Variants in KCNIP1 observed in about 807,000 individuals in gnomAD.
KCNIP1 encodes A-type potassium channel modulatory protein KCNIP1.
A neutral mutation model predicts 33.0 loss-of-function variants in KCNIP1; 18 were observed. The ratio of observed to expected loss-of-function variants is 0.55; its 90% CI spans 0.38 to 0.81. KCNIP1 has a LOEUF of 0.81. KCNIP1 is among the 30% of genes least tolerant of loss of function. The pLI is 0.00. For missense variants in KCNIP1, 238 were observed against 271.6 expected, an observed-to-expected ratio of 0.88 and a Z score of 0.87; for synonymous variants, 93 against 98.3, an observed-to-expected ratio of 0.95 and a Z score of 0.32.
At chr5:170,544,139 G>A (rs961884195) in intron 1 of KCNIP1, among the ~76,000 whole-genome samples, 15 of 152,212 alleles carry the variant, frequency 9.9e-5, no homozygotes, top group African/African-American at 2.2e-4. Flanking sequence ...GAGACCGGGC[G>A]TGGTGGCTCA....
At chr5:170,633,946 A>T (rs1760184797) in intron 1 of KCNIP1, among the ~76,000 whole-genome samples, 1 of 152,124 alleles carries the variant, frequency 6.6e-6, no homozygotes, top group Non-Finnish European at 1.5e-5. Flanking sequence ...AAAGCGCCCA[A>T]GAGGCTTCTA....
rs182321941 is a variant in KCNIP1 at position 170,497,421 on chromosome 5, A to G, written c.88+143457A>G. Reference sequence around the variant, plus strand: ...GGATGAATGGATAAAATCCTTTACCATAACCTTTCCTCCTTAGGACAAAGT... The same window carrying G: ...GGATGAATGGATAAAATCCTTTACCGTAACCTTTCCTCCTTAGGACAAAGT... On this transcript the variant is annotated intron_variant, in intron 1 of 7. Coordinates refer to the KCNIP1 transcript ENST00000377360. Among the ~76,000 whole-genome samples, 180 of 152,336 alleles carry G rather than the reference A, an allele frequency of 1.2e-3. 2 individuals carry two copies. Among genetic ancestry groups the G allele is most frequent in the African/African-American group, 4.2e-3 (176 of 41,578 alleles).
intron 1 of KCNIP1, among the ~76,000 whole-genome samples, chr5:170,402,809 C>A (rs1754942399): frequency 6.6e-6 from 1 of 152,088 alleles, no homozygotes; most frequent in South Asian, 2.1e-4. Context: ...GTCAGCTGGC[C>A]ACGGCTGCCA....
intron 1 of KCNIP1, among the ~76,000 whole-genome samples, chr5:170,571,492 T>C (rs928267001): frequency 2.0e-5 from 3 of 152,242 alleles, no homozygotes; most frequent in African/African-American, 7.2e-5. Context: ...CATCACTTCT[T>C]CCTGGAAAGA....
chr5:170,645,413 A>G (rs962401608), intron 1 of KCNIP1, among the ~76,000 whole-genome samples: 1 of 152,258 alleles, frequency 6.6e-6, no homozygotes, highest in Non-Finnish European at 1.5e-5. Flanking sequence ...CAATACTCCA[A>G]GAAAACATAA....
At chr5:170,499,254 A>G (rs1316777123), upstream of KCNIP1, among the ~76,000 whole-genome samples, 3 of 152,210 alleles carry the variant, frequency 2.0e-5, no homozygotes, top group Non-Finnish European at 4.4e-5. Context: ...AAACAGATGA[A>G]GAGCAAAGAT....
chr5:170,671,277 C>T lies in KCNIP1; in HGVS notation c.62-47481C>T, dbSNP rs73319363. Reference sequence around the variant, plus strand: ...CCCAACCTGATCTGTCACACACCACCTCCACCTTTGCCTGTTCCCTGGGCC... The same window carrying T: ...CCCAACCTGATCTGTCACACACCACTTCCACCTTTGCCTGTTCCCTGGGCC... On this transcript the variant is annotated intron_variant, in intron 1 of 7. Transcript: ENST00000328939. Among the ~76,000 whole-genome samples the T allele has an allele frequency of 9.3e-3, 1,421 of 152,338 alleles. 23 individuals carry two copies. Among genetic ancestry groups the T allele is most frequent in the East Asian group, 0.072 (373 of 5,192 alleles).
intron 1 of KCNIP1, among the ~76,000 whole-genome samples, chr5:170,445,513 G>C (rs1236639084): frequency 6.6e-6 from 1 of 152,222 alleles, no homozygotes. Flanking sequence ...AGGCCACGCA[G>C]TTCCCTTCCA....
intron 1 of KCNIP1, among the ~76,000 whole-genome samples, chr5:170,363,296 G>A (rs1023870840): frequency 6.6e-6 from 1 of 152,208 alleles, no homozygotes; most frequent in African/African-American, 2.4e-5. Flanking sequence ...ACTGAATTGT[G>A]TCCCCTTAAA....
intron 1 of KCNIP1, among the ~76,000 whole-genome samples, chr5:170,467,479 C>T (rs1756632202): frequency 1.3e-5 from 2 of 152,016 alleles, no homozygotes; most frequent in South Asian, 4.2e-4. Flanking sequence ...TTCTTTACTA[C>T]CAGTGGAAAG....
At chr5:170,582,132 C>A (rs1757816535) in intron 1 of KCNIP1, among the ~76,000 whole-genome samples, 2 of 152,238 alleles carry the variant, frequency 1.3e-5, no homozygotes, top group African/African-American at 4.8e-5. Context: ...CAAATTTCAA[C>A]AGATGAGATG....
chr5:170,414,722 AC>A (rs1289660497), intron 1 of KCNIP1, among the ~76,000 whole-genome samples: 1 of 152,262 alleles, frequency 6.6e-6, no homozygotes, highest in African/African-American at 2.4e-5. Flanking sequence ...TCAGGAACTT[AC>A]AAAATGTGTG....
Position 170,735,742 on chromosome 5 carries a change from C to T in KCNIP1, c.604-17C>T. On this transcript the variant is annotated splice_polypyrimidine_tract_variant and intron_variant, in intron 7 of 7. Transcript: ENST00000328939. ...GAGACTCAGAGTTCTAACCCTCTTG[C>T]CCTCCTTTTTTCCCAGGACGACAAC... 1 of 1,612,564 alleles carries T rather than the reference C, an allele frequency of 6.2e-7. No individual in the cohort carries two copies. The highest frequency in any genetic ancestry group is 8.5e-7 in the Non-Finnish European group (1 of 1,178,626).
At chr5:170,414,461 C>T (rs11739960) in intron 1 of KCNIP1, among the ~76,000 whole-genome samples, 1 of 152,212 alleles carries the variant, frequency 6.6e-6, no homozygotes, top group Admixed American at 6.5e-5. Flanking sequence ...AGGGCAAATG[C>T]TGAGCTATAA....
At chr5:170,692,410 C>T (rs1328611602) in intron 1 of KCNIP1, among the ~76,000 whole-genome samples, 2 of 152,054 alleles carry the variant, frequency 1.3e-5, no homozygotes, top group African/African-American at 2.4e-5. Context: ...TAAGCAGCTC[C>T]GGAAATAATA....
intron 1 of KCNIP1, among the ~76,000 whole-genome samples, chr5:170,673,518 G>A (rs1762002333): frequency 6.6e-6 from 1 of 152,226 alleles, no homozygotes; most frequent in Non-Finnish European, 1.5e-5. Context: ...CTTTCCTGAG[G>A]CACAGGGCTA....
intron 1 of KCNIP1, among the ~76,000 whole-genome samples, chr5:170,380,305 C>A (rs749368251): frequency 6.6e-6 from 1 of 152,196 alleles, no homozygotes; most frequent in Non-Finnish European, 1.5e-5. Context: ...AGCCCAGGTC[C>A]CTACCCACTC....
At chr5:170,442,329 T>A (rs1553533) in intron 1 of KCNIP1, among the ~76,000 whole-genome samples, 1 of 151,960 alleles carries the variant, frequency 6.6e-6, no homozygotes, top group Non-Finnish European at 1.5e-5. Flanking sequence ...AGGGGCCCAG[T>A]GGCCCTGGAA....
chr5:170,593,387 T>C (rs1758333302), intron 1 of KCNIP1, among the ~76,000 whole-genome samples: 1 of 152,184 alleles, frequency 6.6e-6, no homozygotes, highest in Non-Finnish European at 1.5e-5. Context: ...TACCATTGGC[T>C]TTCTCCATCC....
Sources: gnomAD v4.1 joint callset for allele counts (sites outside exome capture counted in the v4.1 genomes callset) on GRCh38, gnomAD v4.1.1 for gene constraint, MANE v1.5 for transcripts, NCBI Gene and HGNC (gene_info 2026-07-23, HGNC 2026-07-21) for gene names.